ANK3: variants seen among roughly 807,000 people sequenced by gnomAD.
ANK3 encodes the protein ankyrin 3.
In ANK3, 57 loss-of-function variants were observed where a neutral mutation model predicts 370.9. The ratio of observed to expected loss-of-function variants is 0.15; its 90% CI spans 0.12 to 0.19. The LOEUF is 0.19. ANK3 is among the 10% of genes least tolerant of loss of function. ANK3 has a pLI of 1.00. For synonymous variants in ANK3, 1,929 were observed against 1,946.3 expected, an observed-to-expected ratio of 0.99 and a Z score of 0.23; for missense variants, 4,439 against 5,302.1, an observed-to-expected ratio of 0.84 and a Z score of 5.06.
intron 42 of ANK3, chr10:60,043,032 C>T: frequency 2.5e-6 from 3 of 1,201,788 alleles, no homozygotes; most frequent in Non-Finnish European, 3.1e-6. Flanking sequence ...AGCAGCCTAT[C>T]CATTTCCTAT....
upstream of ANK3, among the ~76,000 whole-genome samples, chr10:60,394,411 T>C (rs4948416): frequency 0.098 from 14,891 of 151,988 alleles, 1,097 homozygotes; most frequent in East Asian, 0.26. Context: ...GTGGCACCTC[T>C]GGATAACAAG....
chr10:60,089,713 T>C (rs1031684021), intron 28 of ANK3, among the ~76,000 whole-genome samples: 1 of 152,070 alleles, frequency 6.6e-6, no homozygotes, highest in African/African-American at 2.4e-5. Flanking sequence ...CACACACATA[T>C]AGAAATATAA....
intron 41 of ANK3, among the ~76,000 whole-genome samples, chr10:60,057,641 C>A (rs913415133): frequency 2.0e-5 from 3 of 152,210 alleles, no homozygotes; most frequent in African/African-American, 4.8e-5. Context: ...ATTCTGATAA[C>A]AGGAGCAAAG....
At chr10:60,614,843 T>G (rs1020810730) in intron 2 of ANK3, among the ~76,000 whole-genome samples, 1 of 152,184 alleles carries the variant, frequency 6.6e-6, no homozygotes, top group East Asian at 1.9e-4. Flanking sequence ...GAGAAATGGA[T>G]GCTGTATCAG....
chr10:60,609,895 T>C (rs1369957317), intron 2 of ANK3, among the ~76,000 whole-genome samples: 2 of 152,160 alleles, frequency 1.3e-5, no homozygotes, highest in African/African-American at 4.8e-5. Context: ...AAGATTTACA[T>C]ATTAGAAAAC....
At chr10:60,543,759 C>T (rs145714251) in intron 2 of ANK3, among the ~76,000 whole-genome samples, 64 of 152,030 alleles carry the variant, frequency 4.2e-4, no homozygotes, top group African/African-American at 1.5e-3. Context: ...GATATAAATT[C>T]CATTTTCTCA....
chr10:60,537,662 T>C (rs975800467), intron 2 of ANK3, among the ~76,000 whole-genome samples: 2 of 152,026 alleles, frequency 1.3e-5, no homozygotes, highest in Admixed American at 6.6e-5. Context: ...AAAACTATAT[T>C]CATTAATTTC....
intron 1 of ANK3, among the ~76,000 whole-genome samples, chr10:60,350,193 T>C (rs1277730151): frequency 1.3e-5 from 2 of 152,192 alleles, no homozygotes; most frequent in South Asian, 2.1e-4. Flanking sequence ...ATCTATAATA[T>C]GCATAGTAGA....
chr10:60,128,738 A>G (rs984139814), intron 25 of ANK3, among the ~76,000 whole-genome samples: 4 of 152,194 alleles, frequency 2.6e-5, no homozygotes, highest in Non-Finnish European at 5.9e-5. Context: ...TGAACTATAA[A>G]CAACTTAATA....
At position 60,543,842 on chromosome 10, in the gene ANK3, G is replaced by T. The variant is rs186149725; in HGVS notation, c.96+71344C>A. ...CAAAGTTTACCTGAAATCCCAGCAT[G>T]GTGCTTTCCCTAGTCAATCTGTCCA... is the stretch of plus-strand genomic sequence containing the variant. On this transcript the variant is annotated intron_variant, in intron 2 of 43. Transcript: ENST00000373827. Among the ~76,000 whole-genome samples, 1,176 of 152,052 alleles carry T rather than the reference G, an allele frequency of 7.7e-3. 10 individuals are homozygous for T. Among genetic ancestry groups the T allele is most frequent in the Middle Eastern group, 0.027 (8 of 294 alleles).
At chr10:60,625,165 C>T (rs1237643173) in intron 1 of ANK3, among the ~76,000 whole-genome samples, 1 of 151,992 alleles carries the variant, frequency 6.6e-6, no homozygotes, top group Non-Finnish European at 1.5e-5. Flanking sequence ...GCTACTCTGC[C>T]AAGAGAGGGA....
At chr10:60,710,710 C>T (rs2079692503) in intron 1 of ANK3, among the ~76,000 whole-genome samples, 1 of 152,106 alleles carries the variant, frequency 6.6e-6, no homozygotes, top group Non-Finnish European at 1.5e-5. Flanking sequence ...AGAATTAGCT[C>T]ATGCAATTAT....
chr10:60,508,668 A>G (rs1320377839), intron 2 of ANK3: 1 of 152,544 alleles, frequency 6.6e-6, no homozygotes, highest in Non-Finnish European at 1.5e-5. Flanking sequence ...CTAATCATGA[A>G]GGCACAATTA....
At chr10:60,169,050 G>T (rs2095703236) in intron 21 of ANK3, among the ~76,000 whole-genome samples, 1 of 152,034 alleles carries the variant, frequency 6.6e-6, no homozygotes, top group African/African-American at 2.4e-5. Flanking sequence ...CATTCCTTTG[G>T]GTATATACTC....
intron 8 of ANK3, among the ~76,000 whole-genome samples, chr10:60,214,870 T>C (rs1350085871): frequency 2.6e-5 from 4 of 152,256 alleles, no homozygotes; most frequent in Non-Finnish European, 5.9e-5. Context: ...CCTTTGGGTA[T>C]ATACCCAGTA....
chr10:60,515,692 C>T (rs899234422), intron 2 of ANK3, among the ~76,000 whole-genome samples: 5 of 152,076 alleles, frequency 3.3e-5, no homozygotes, highest in Admixed American at 1.3e-4. Context: ...CACCAGGGTT[C>T]GTGGTTACAG....
In ANK3 at chr10:60,198,583, A is replaced by G. The variant is rs184688716; in HGVS notation, c.1492-46T>C. On this transcript the variant is annotated intron_variant, in intron 13 of 43. Coordinates refer to ENST00000280772, the MANE Select transcript of ANK3 (RefSeq NM_020987.5). ...GTAAGGCTGATGAGCTGAGGAAACA[A>G]TGGTGCCTTTATGAAAAATTCAGGG... 39 of 1,564,402 alleles carry G rather than the reference A, an allele frequency of 2.5e-5. No individual in the cohort carries two copies. In the African/African-American group the frequency reaches 3.1e-4, roughly 12 times the overall value.
At chr10:60,129,464 C>T (rs61845792) in intron 25 of ANK3, among the ~76,000 whole-genome samples, 2,822 of 152,118 alleles carry the variant, frequency 0.019, 30 homozygotes, top group Non-Finnish European at 0.027. Context: ...TAAAAGTTCT[C>T]CAGGTGGCCG....
chr10:60,257,767 C>T (rs942397454), intron 7 of ANK3, among the ~76,000 whole-genome samples: 1 of 152,102 alleles, frequency 6.6e-6, no homozygotes, highest in African/African-American at 2.4e-5. Flanking sequence ...AATCTGTAAA[C>T]CACCCGAAAT....
Sources: gnomAD v4.1 joint callset for allele counts (sites outside exome capture counted in the v4.1 genomes callset) on GRCh38, gnomAD v4.1.1 for gene constraint, MANE v1.5 for transcripts, NCBI Gene and HGNC (gene_info 2026-07-23, HGNC 2026-07-21) for gene names.